The following RAB30 variants were observed in gnomAD, a reference collection of about 807,000 sequenced individuals.
RAB30 encodes the protein ras-related protein Rab-30.
A neutral mutation model predicts 25.1 loss-of-function variants in RAB30; 9 were observed. That is an observed-to-expected ratio of 0.36 (90% confidence interval 0.22 to 0.63). RAB30 has a LOEUF of 0.63. RAB30 is among the 20% of genes least tolerant of loss of function. The pLI is 0.69. For synonymous variants in RAB30, 77 were observed against 86.4 expected (o/e 0.89, Z 0.60); for missense variants, 140 against 243.5 (o/e 0.58, Z 2.83).
chr11:83,069,641 ATGTAT>A (rs1469771743), intron 1 of RAB30, among the ~76,000 whole-genome samples: 2 of 152,212 alleles, frequency 1.3e-5, no homozygotes, highest in Admixed American at 6.5e-5. Context: ...GAAAAAAAAA[ATGTAT>A]TGTATAAGGC....
intron 3 of RAB30, among the ~76,000 whole-genome samples, chr11:82,991,883 C>T (rs566506491): frequency 3.9e-5 from 6 of 152,222 alleles, no homozygotes; most frequent in African/African-American, 1.4e-4. Flanking sequence ...TCAATTTTTG[C>T]AGTGTAATAA....
intron 1 of RAB30, among the ~76,000 whole-genome samples, chr11:83,033,343 G>C (rs1166401885): frequency 6.6e-6 from 1 of 152,096 alleles, no homozygotes; most frequent in African/African-American, 2.4e-5. Context: ...TGGGATTACA[G>C]GTGTCAGCCA....
chr11:83,064,335 T>C (rs540790871), intron 1 of RAB30, among the ~76,000 whole-genome samples: 10 of 152,184 alleles, frequency 6.6e-5, no homozygotes, highest in Non-Finnish European at 1.5e-4. Context: ...CTCAAAGTCC[T>C]GGACTCAAGC....
intron 1 of RAB30, among the ~76,000 whole-genome samples, chr11:83,027,242 C>T (rs11233430): frequency 0.05 from 7,635 of 152,106 alleles, 274 homozygotes; most frequent in East Asian, 0.1. Context: ...CACTGTATTG[C>T]CCTCCCTACT....
chr11:82,985,928 T>C (rs189576804), intron 4 of RAB30, among the ~76,000 whole-genome samples: 4 of 152,142 alleles, frequency 2.6e-5, no homozygotes, highest in African/African-American at 9.6e-5. Context: ...CAAGCAATCC[T>C]CCTGCCTCAG....
intron 1 of RAB30, among the ~76,000 whole-genome samples, chr11:83,061,701 CTTTCT>C: frequency 1.2e-5 from 1 of 82,050 alleles, no homozygotes; most frequent in African/African-American, 4.5e-5. Flanking sequence ...GGATTTTTTT[CTTTCT>C]TTTCTTTTTT....
At chr11:83,038,256 T>A (rs1858029624) in intron 1 of RAB30, among the ~76,000 whole-genome samples, 1 of 152,122 alleles carries the variant, frequency 6.6e-6, no homozygotes, top group Non-Finnish European at 1.5e-5. Flanking sequence ...GCAAATGAGA[T>A]CAACGTTAGC....
At position 83,013,536 on chromosome 11, in the gene RAB30, A is replaced by G. The variant is rs569117635; in HGVS notation, c.-8-16212T>C. ...AAATGCAAAAGAAAAACTGATCAGT[A>G]CACACAAAAGCTGAGAGTGCTTTTC... On this transcript the variant is annotated intron_variant, in intron 1 of 4. Coordinates refer to ENST00000527633, the MANE Select transcript of RAB30 (RefSeq NM_001286060.2). Among the ~76,000 whole-genome samples, 86 of 152,368 alleles carry G rather than the reference A, an allele frequency of 5.6e-4. 2 individuals carry two copies. The highest frequency in any genetic ancestry group is 2.0e-3 in the African/African-American group (83 of 41,590).
At chr11:83,037,595 T>C (rs141785915) in intron 1 of RAB30, among the ~76,000 whole-genome samples, 3 of 152,104 alleles carry the variant, frequency 2.0e-5, no homozygotes, top group African/African-American at 7.2e-5. Flanking sequence ...TGATGAATGG[T>C]ATGTGAATGG....
intron 1 of RAB30, among the ~76,000 whole-genome samples, chr11:83,046,725 C>T (rs1046931302): frequency 1.3e-5 from 2 of 152,104 alleles, no homozygotes; most frequent in Non-Finnish European, 2.9e-5. Flanking sequence ...GAACTCCTGG[C>T]GTCAAGTGAA....
At chr11:83,038,449 G>C (rs1056475385) in intron 1 of RAB30, among the ~76,000 whole-genome samples, 2 of 152,106 alleles carry the variant, frequency 1.3e-5, no homozygotes, top group African/African-American at 4.8e-5. Context: ...TTATTTCTTT[G>C]AAATAGGGGG....
At chr11:82,986,035 T>A (rs1454304115) in intron 4 of RAB30, among the ~76,000 whole-genome samples, 1 of 152,162 alleles carries the variant, frequency 6.6e-6, no homozygotes, top group East Asian at 1.9e-4. Context: ...AAAAAAATCA[T>A]GAGTCGATCA....
At chr11:83,056,021 G>C (rs1335470009) in intron 1 of RAB30, among the ~76,000 whole-genome samples, 1 of 152,058 alleles carries the variant, frequency 6.6e-6, no homozygotes, top group East Asian at 1.9e-4. Context: ...GTATCTGTTT[G>C]GTTTTTTAGA....
At chr11:83,035,261 G>C (rs1857962692) in intron 1 of RAB30, 1 of 152,006 alleles carries the variant, frequency 6.6e-6, no homozygotes, top group Admixed American at 6.6e-5. Flanking sequence ...AGATCATCAT[G>C]CCAAGCACGC....
In RAB30 at chr11:82,981,012, G is replaced by T. The variant is rs1423688305; in HGVS notation, c.*1153C>A. 6.6e-6 allele frequency: 1 copy of T among 152,172 alleles called. No individual in the cohort carries two copies. The highest frequency in any genetic ancestry group is 1.9e-4 in the East Asian group (1 of 5,202). 9.4% of individuals were successfully genotyped at this position (152,172 alleles called of 1,614,324 possible). A position where few individuals can be genotyped will look rare whatever the true frequency, so the allele number is the denominator to read the frequency against. ...GAATTTTTCTAAGGTTATCATCGAA[G>T]ATATAAAAATGGGTCGTGAGACTTT... On this transcript the variant is annotated 3_prime_UTR_variant, in exon 5 of 5. Coordinates refer to ENST00000527633, the MANE Select transcript of RAB30 (RefSeq NM_001286060.2).
intron 1 of RAB30, among the ~76,000 whole-genome samples, chr11:83,014,366 A>G (rs1377119512): frequency 6.6e-6 from 1 of 152,080 alleles, no homozygotes; most frequent in Admixed American, 6.6e-5. Flanking sequence ...TGGACAACAC[A>G]GTGAGACCTC....
chr11:83,040,216 G>A (rs1858076880), intron 1 of RAB30, among the ~76,000 whole-genome samples: 1 of 152,180 alleles, frequency 6.6e-6, no homozygotes, highest in Non-Finnish European at 1.5e-5. Context: ...TGAAAGAAAA[G>A]AGATTTTGAC....
chr11:82,987,721 T>C lies in RAB30; in HGVS notation c.227A>G (p.Gln76Arg). Residue 76 changes from glutamine (Q) to arginine (R), a missense_variant, in exon 4 of 5, where the codon CAG (glutamine) becomes CGG (arginine). Gln to Arg is a conservative substitution (Grantham distance 43). Coordinates refer to ENST00000527633, the MANE Select transcript of RAB30 (RefSeq NM_001286060.2). ...GGCATTGGCGCTTCGGTAGTAACTC[T>C]GGGTAATGGACCGAAATCTCTCTTG... is the stretch of plus-strand genomic sequence containing the variant. ...AGQERFRSIT[Q>R]SYYRSANALI... 1 of 1,613,128 alleles carries C rather than the reference T, an allele frequency of 6.2e-7. No homozygotes were observed.
At chr11:82,995,050 A>T (rs1012151896) in intron 2 of RAB30, among the ~76,000 whole-genome samples, 1 of 152,270 alleles carries the variant, frequency 6.6e-6, no homozygotes, top group Non-Finnish European at 1.5e-5. Context: ...TTACTATTAC[A>T]TAATGTTTCC....
Sources: allele counts gnomAD v4.1 joint callset (sites outside exome capture counted in the v4.1 genomes callset), GRCh38; gene constraint gnomAD v4.1.1; transcripts MANE v1.5; gene names NCBI Gene and HGNC (gene_info 2026-07-23, HGNC 2026-07-21).